The following ZNF827 variants were observed in gnomAD, a reference collection of about 807,000 sequenced individuals.
ZNF827 encodes zinc finger protein 827.
A neutral mutation model predicts 102.4 loss-of-function variants in ZNF827; 13 were observed. The observed-to-expected ratio is 0.13, with a 90% CI of 0.08 to 0.20. ZNF827 has a LOEUF of 0.20. ZNF827 is among the 10% of genes least tolerant of loss of function. ZNF827 has a pLI of 1.00. For synonymous variants in ZNF827, 523 were observed against 536.2 expected (o/e 0.98, Z 0.34); for missense variants, 1,103 against 1,344.4 (o/e 0.82, Z 2.81).
intron 7 of ZNF827, among the ~76,000 whole-genome samples, chr4:145,824,426 T>C (rs1490037877): frequency 6.6e-6 from 1 of 152,058 alleles, no homozygotes; most frequent in African/African-American, 2.4e-5. Context: ...AATTCAACCA[T>C]AGGAACTGGG....
At chr4:145,919,443 G>A (rs957993849) in intron 1 of ZNF827, among the ~76,000 whole-genome samples, 3 of 152,196 alleles carry the variant, frequency 2.0e-5, no homozygotes, top group Non-Finnish European at 4.4e-5. Flanking sequence ...GCATCACTCT[G>A]CTTAGAGCAC....
intron 1 of ZNF827, among the ~76,000 whole-genome samples, chr4:145,935,156 T>A (rs1198355692): frequency 1.3e-5 from 2 of 152,202 alleles, no homozygotes; most frequent in Non-Finnish European, 2.9e-5. Flanking sequence ...CTAGGAGGAA[T>A]ATTTAATCCC....
intron 7 of ZNF827, among the ~76,000 whole-genome samples, chr4:145,845,322 T>C (rs1466241731): frequency 6.6e-6 from 1 of 152,224 alleles, no homozygotes; most frequent in East Asian, 1.9e-4. Context: ...CAACGGCAGA[T>C]GGACGGTGGG....
At chr4:145,866,649 A>G (rs1257421036) in intron 5 of ZNF827, among the ~76,000 whole-genome samples, 6 of 152,256 alleles carry the variant, frequency 3.9e-5, no homozygotes, top group Non-Finnish European at 1.5e-5. Flanking sequence ...ATGTTTCTGC[A>G]TAGCTCCAGC....
intron 4 of ZNF827, among the ~76,000 whole-genome samples, chr4:145,877,874 T>C (rs1749281588): frequency 6.6e-6 from 1 of 152,180 alleles, no homozygotes; most frequent in African/African-American, 2.4e-5. Context: ...AATCAAGCCC[T>C]AAGTAAATGT....
intron 5 of ZNF827, among the ~76,000 whole-genome samples, chr4:145,849,893 C>T (rs991152199): frequency 2.6e-5 from 4 of 152,236 alleles, no homozygotes; most frequent in African/African-American, 7.2e-5. Flanking sequence ...TCCTCTCTAC[C>T]ACACTGTTTC....
intron 7 of ZNF827, among the ~76,000 whole-genome samples, chr4:145,828,274 T>G (rs1393585433): frequency 6.6e-6 from 1 of 152,170 alleles, no homozygotes; most frequent in Non-Finnish European, 1.5e-5. Context: ...TGCCTAGACT[T>G]CAGTCATTTT....
At chr4:145,894,823 G>A (rs73852215) in intron 2 of ZNF827, among the ~76,000 whole-genome samples, 2,647 of 152,130 alleles carry the variant, frequency 0.017, 76 homozygotes, top group African/African-American at 0.06. Context: ...TGCCTCTGCC[G>A]ATCTGGAGTC....
chr4:145,927,070 T>C (rs1232296107), intron 1 of ZNF827, among the ~76,000 whole-genome samples: 1 of 152,214 alleles, frequency 6.6e-6, no homozygotes, highest in Non-Finnish European at 1.5e-5. Flanking sequence ...ATATAGCACA[T>C]TTCAGTAACG....
intron 4 of ZNF827, among the ~76,000 whole-genome samples, chr4:145,879,390 A>G (rs2126796261): frequency 6.6e-6 from 1 of 152,344 alleles, no homozygotes. Flanking sequence ...AAGCAACAAC[A>G]ATAATAACAA....
intron 8 of ZNF827, among the ~76,000 whole-genome samples, chr4:145,798,636 C>T (rs1740601363): frequency 6.6e-6 from 1 of 152,130 alleles, no homozygotes; most frequent in Non-Finnish European, 1.5e-5. Flanking sequence ...CATTGCACTC[C>T]AGCCGGGGTG....
Position 145,763,482 on chromosome 4 carries a change from G to GA in ZNF827, c.3231-361dup. ...CTAGAACATAAACTATTACACAGGG[G>GA]ACGGTTAGCACCGCACGGGAAGTGT... On this transcript the variant is annotated intron_variant, in intron 13 of 14. Transcript: ENST00000508784. This position sits in a 1 kb window ranked among gnomAD's most constrained non-coding sequence, Gnocchi z 4.6. Among the ~76,000 whole-genome samples the GA allele has an allele frequency of 6.6e-6, 1 of 152,336 alleles. No individual in the cohort carries two copies. The highest frequency in any genetic ancestry group is 6.5e-5 in the Admixed American group (1 of 15,308).
At chr4:145,804,687 G>A (rs937460110) in intron 8 of ZNF827, among the ~76,000 whole-genome samples, 1 of 152,140 alleles carries the variant, frequency 6.6e-6, no homozygotes, top group Non-Finnish European at 1.5e-5. Context: ...ATTTTACTTA[G>A]TAACCAGGTT....
intron 5 of ZNF827, among the ~76,000 whole-genome samples, chr4:145,851,813 A>C (rs113826710): frequency 4.5e-4 from 68 of 152,186 alleles, no homozygotes; most frequent in African/African-American, 1.6e-3. Context: ...TAAATAAAAA[A>C]AGAGAAGAAG....
intron 11 of ZNF827, 26 bp downstream of exon 11, chr4:145,774,468 GGAGAAGGAGTGT>G: frequency 6.3e-7 from 1 of 1,586,242 alleles, no homozygotes; most frequent in Non-Finnish European, 8.6e-7. Context: ...TGCAGGGGAT[GGAGAAGGAGTGT>G]GAGAAGGACA....
At chr4:145,895,874 T>C (rs1425717223) in intron 2 of ZNF827, among the ~76,000 whole-genome samples, 3 of 152,134 alleles carry the variant, frequency 2.0e-5, no homozygotes, top group African/African-American at 7.2e-5. Flanking sequence ...AACCATACAC[T>C]CTTGAGGCAA....
intron 7 of ZNF827, among the ~76,000 whole-genome samples, chr4:145,833,566 C>A (rs578171386): frequency 1.9e-4 from 28 of 150,578 alleles, no homozygotes; most frequent in African/African-American, 6.9e-4. Context: ...TACCACTCAA[C>A]CCCTTCTCCT....
chr4:145,938,065 A>G, intron 1 of ZNF827, among the ~76,000 whole-genome samples: 1 of 132,000 alleles, frequency 7.6e-6, no homozygotes, highest in African/African-American at 2.9e-5. Flanking sequence ...AGCAACCCAG[A>G]GTGAGGAGGG....
chr4:145,887,193 A>G (rs577927905), intron 3 of ZNF827, among the ~76,000 whole-genome samples: 1 of 152,340 alleles, frequency 6.6e-6, no homozygotes, highest in East Asian at 1.9e-4. Flanking sequence ...GGAACCCAAA[A>G]GCAAAACAAA....
Sources: allele counts gnomAD v4.1 joint callset (sites outside exome capture counted in the v4.1 genomes callset), GRCh38; gene constraint gnomAD v4.1.1; non-coding constraint Gnocchi (gnomAD v3.1); transcripts MANE v1.5; gene names NCBI Gene and HGNC (gene_info 2026-07-23, HGNC 2026-07-21).